NFIA: variants seen among roughly 807,000 people sequenced by gnomAD.
NFIA encodes the protein nuclear factor 1 A-type.
NFIA carries 8 observed loss-of-function variants against 62.8 expected under a neutral mutation model. The observed-to-expected ratio is 0.13, with a 90% CI of 0.07 to 0.23. The LOEUF (loss-of-function observed/expected upper bound fraction) is 0.23. Ranked by LOEUF, NFIA falls within the 10% of genes least tolerant of loss-of-function variation. The pLI is 1.00. For missense variants in NFIA, 410 were observed against 642.1 expected (o/e 0.64, Z 3.91); for synonymous variants, 235 against 238.1 (o/e 0.99, Z 0.12).
chr1:61,398,956 T>A (rs1490193000), intron 7 of NFIA, among the ~76,000 whole-genome samples: 1 of 152,228 alleles, frequency 6.6e-6, no homozygotes, highest in African/African-American at 2.4e-5. Context: ...ATGTTCTATT[T>A]ACCCTTATGG....
intron 10 of NFIA, among the ~76,000 whole-genome samples, chr1:61,429,777 G>A (rs1464212952): frequency 6.6e-6 from 1 of 152,226 alleles, no homozygotes; most frequent in Non-Finnish European, 1.5e-5. Flanking sequence ...CAACGTGGAT[G>A]AATCTTGAAG....
chr1:61,134,554 C>T (rs1647145712), intron 2 of NFIA, among the ~76,000 whole-genome samples: 1 of 152,146 alleles, frequency 6.6e-6, no homozygotes, highest in Non-Finnish European at 1.5e-5. Context: ...CAGGCTATAA[C>T]ATATGACTTA....
At chr1:61,338,216 C>T (rs993865420) in intron 4 of NFIA, among the ~76,000 whole-genome samples, 2 of 152,210 alleles carry the variant, frequency 1.3e-5, no homozygotes, top group African/African-American at 2.4e-5. Context: ...CTCAGTTACC[C>T]GGACTGATTT....
At position 61,406,706 on chromosome 1, in the gene NFIA, G is replaced by A. The variant is rs1665853870; in HGVS notation, c.1399G>A (p.Ala467Thr). ...KPPTTSTEGG[A>T]ASPTSPTYST... ...TCCAACCACGTCAACAGAAGGAGGT[G>A]CAGCCTCCCCCACGTCACCAAGTAA... The change falls in exon 9 of 11, where the codon GCA becomes ACA. Residue 467 changes from alanine (A) to threonine (T), a missense_variant. Transcript: ENST00000403491. The A allele has an allele frequency of 1.2e-6, 2 of 1,610,980 alleles. No homozygotes were observed. Among genetic ancestry groups the A allele is most frequent in the Non-Finnish European group, 1.7e-6 (2 of 1,178,692 alleles).
chr1:61,392,796 C>T (rs1326549289), intron 7 of NFIA, among the ~76,000 whole-genome samples: 3 of 152,202 alleles, frequency 2.0e-5, no homozygotes, highest in Non-Finnish European at 1.5e-5. Flanking sequence ...AAAGGGCCTC[C>T]AGGGTGAGTG....
intron 2 of NFIA, among the ~76,000 whole-genome samples, chr1:61,104,625 A>C (rs796642288): frequency 3.9e-5 from 6 of 152,098 alleles, no homozygotes; most frequent in African/African-American, 1.4e-4. Flanking sequence ...TTATTTCTCT[A>C]GGCGTGTTCA....
chr1:61,423,289 A>G (rs76546128), intron 9 of NFIA, among the ~76,000 whole-genome samples: 1,660 of 152,100 alleles, frequency 0.011, 13 homozygotes, highest in Non-Finnish European at 0.018. Context: ...CAGCCAAATA[A>G]TCAATGATTT....
At chr1:61,197,451 C>T (rs1385787566) in intron 2 of NFIA, among the ~76,000 whole-genome samples, 1 of 151,110 alleles carries the variant, frequency 6.6e-6, no homozygotes, top group African/African-American at 2.4e-5. Context: ...GTTGGCCAGG[C>T]TGGTTTCGAA....
At chr1:61,280,014 A>C (rs1226544459) in intron 3 of NFIA, among the ~76,000 whole-genome samples, 1 of 152,220 alleles carries the variant, frequency 6.6e-6, no homozygotes, top group Non-Finnish European at 1.5e-5. Flanking sequence ...CCTATCTTTC[A>C]GTTTTCTATT....
At chr1:61,407,530 T>G (rs1239808538) in intron 9 of NFIA, among the ~76,000 whole-genome samples, 1 of 152,192 alleles carries the variant, frequency 6.6e-6, no homozygotes, top group Non-Finnish European at 1.5e-5. Context: ...CTTTTATTAG[T>G]GCCTGGAATA....
intron 3 of NFIA, among the ~76,000 whole-genome samples, chr1:61,306,427 C>A (rs898626608): frequency 3.9e-5 from 6 of 151,928 alleles, no homozygotes; most frequent in Non-Finnish European, 8.8e-5. Flanking sequence ...AGGCGCACAC[C>A]ACCATGCCTG....
At chr1:61,156,340 A>G (rs914084038) in intron 2 of NFIA, among the ~76,000 whole-genome samples, 1 of 152,118 alleles carries the variant, frequency 6.6e-6, no homozygotes, top group East Asian at 1.9e-4. Context: ...CTCATTTGCC[A>G]TGTTATGATT....
intron 2 of NFIA, among the ~76,000 whole-genome samples, chr1:61,219,889 G>A (rs1344751548): frequency 6.6e-6 from 1 of 152,120 alleles, no homozygotes. Context: ...CTTGGACCCG[G>A]GAGGCAGAGG....
At chr1:61,136,938 T>G (rs1647204847) in intron 2 of NFIA, among the ~76,000 whole-genome samples, 1 of 152,234 alleles carries the variant, frequency 6.6e-6, no homozygotes, top group African/African-American at 2.4e-5. Flanking sequence ...TATAGAACAC[T>G]TGGTACAATG....
intron 2 of NFIA, among the ~76,000 whole-genome samples, chr1:61,099,073 C>T (rs1646465715): frequency 6.6e-6 from 1 of 152,198 alleles, no homozygotes; most frequent in African/African-American, 2.4e-5. Flanking sequence ...AAATGTAATC[C>T]TTTGTACTTT....
intron 2 of NFIA, among the ~76,000 whole-genome samples, chr1:61,115,933 C>T (rs1189517974): frequency 6.6e-6 from 1 of 152,002 alleles, no homozygotes; most frequent in Admixed American, 6.6e-5. Context: ...CCACAGTTCT[C>T]CCTGTTCTTT....
intron 10 of NFIA, among the ~76,000 whole-genome samples, chr1:61,449,893 T>G (rs564263011): frequency 6.6e-6 from 1 of 152,260 alleles, no homozygotes; most frequent in Admixed American, 6.5e-5. Flanking sequence ...CCAGTGTAAA[T>G]CACTGCTGCC....
intron 2 of NFIA, among the ~76,000 whole-genome samples, chr1:61,116,455 T>C (rs1226404941): frequency 1.3e-5 from 2 of 152,140 alleles, no homozygotes; most frequent in African/African-American, 2.4e-5. Context: ...GTGCACTTGA[T>C]AAACACTGTC....
intron 2 of NFIA, among the ~76,000 whole-genome samples, chr1:61,123,639 C>T (rs1229530445): frequency 6.6e-6 from 1 of 152,152 alleles, no homozygotes; most frequent in Non-Finnish European, 1.5e-5. Context: ...CATGCTTCCT[C>T]TTATGACTCT....
Sources: allele counts gnomAD v4.1 joint callset (sites outside exome capture counted in the v4.1 genomes callset), GRCh38; gene constraint gnomAD v4.1.1; transcripts MANE v1.5; gene names NCBI Gene and HGNC (gene_info 2026-07-23, HGNC 2026-07-21).